IQSEC1: variants seen among roughly 807,000 people sequenced by gnomAD.
IQSEC1 encodes the protein IQ motif and Sec7 domain ArfGEF 1, also known as IQ motif and SEC7 domain-containing protein 1.
Under a neutral mutation model 91.0 loss-of-function variants are expected in IQSEC1, and 31 were observed. The ratio of observed to expected loss-of-function variants is 0.34; its 90% CI spans 0.26 to 0.46. The LOEUF (loss-of-function observed/expected upper bound fraction) is 0.46, where lower values mean the gene tolerates loss of function less well. IQSEC1 is among the 20% of genes least tolerant of loss of function. IQSEC1 has a pLI of 1.00. For synonymous variants in IQSEC1, 699 were observed against 662.6 expected (o/e 1.05, Z -0.84); for missense variants, 1,388 against 1,575.6 (o/e 0.88, Z 2.02).
rs1440229064 is a variant in IQSEC1 at position 12,909,924 on chromosome 3, G to A, written c.2417-490C>T. Among the ~76,000 whole-genome samples the A allele has an allele frequency of 2.0e-5, 3 of 152,230 alleles. No homozygotes were observed. Among genetic ancestry groups the A allele is most frequent in the Non-Finnish European group, 2.9e-5 (2 of 68,046 alleles). On this transcript the variant is annotated intron_variant, in intron 10 of 13. Coordinates refer to ENST00000613206, the MANE Select transcript of IQSEC1 (RefSeq NM_001134382.3). This position sits in a 1 kb window ranked among gnomAD's most constrained non-coding sequence, Gnocchi z 4.9. ...TTTGGTCTCCTGGCGGTGCTGCTCC[G>A]GCAGTGGGAGTCACTGGCAGAGCAT...
chr3:13,129,131 A>G (rs1291250344), intron 2 of IQSEC1, among the ~76,000 whole-genome samples: 3 of 152,190 alleles, frequency 2.0e-5, no homozygotes, highest in Non-Finnish European at 4.4e-5. Context: ...CATTGTAAAA[A>G]TTTTAACTAC....
At chr3:13,023,158 G>A (rs1703476114) in intron 1 of IQSEC1, among the ~76,000 whole-genome samples, 1 of 152,224 alleles carries the variant, frequency 6.6e-6, no homozygotes, top group South Asian at 2.1e-4. Flanking sequence ...AGCCCACGCT[G>A]GAGTCAGGGT....
chr3:13,113,294 G>C (rs894700432), intron 2 of IQSEC1, among the ~76,000 whole-genome samples: 61 of 152,342 alleles, frequency 4.0e-4, no homozygotes, highest in African/African-American at 1.5e-3. Flanking sequence ...GACCAGGGTG[G>C]GTTCAATATG....
intron 2 of IQSEC1, among the ~76,000 whole-genome samples, chr3:13,082,910 C>T (rs1705669007): frequency 6.6e-6 from 1 of 152,214 alleles, no homozygotes; most frequent in Non-Finnish European, 1.5e-5. Flanking sequence ...GCACGACTGC[C>T]ACCCTCATTG....
intron 1 of IQSEC1, among the ~76,000 whole-genome samples, chr3:13,019,283 C>T (rs1219355019): frequency 1.3e-5 from 2 of 152,230 alleles, no homozygotes; most frequent in Non-Finnish European, 1.5e-5. Context: ...TCCTTGACTG[C>T]GGTCGCCAAA....
intron 1 of IQSEC1, among the ~76,000 whole-genome samples, chr3:13,016,254 G>A (rs556609092): frequency 8.1e-4 from 123 of 152,304 alleles, no homozygotes; most frequent in African/African-American, 2.6e-3. Flanking sequence ...CCTCCTCTCC[G>A]CCAGGAGTGC....
At chr3:12,913,591 C>A (rs1217276071) in intron 8 of IQSEC1, 38 bp from the exon 9 acceptor site, 7 of 1,583,332 alleles carry the variant, frequency 4.4e-6, no homozygotes, top group Non-Finnish European at 6.0e-6. Flanking sequence ...GGCCGCCCAG[C>A]TCTCCTCTAG....
At chr3:13,256,795 G>A (rs1436239081) in intron 1 of IQSEC1, among the ~76,000 whole-genome samples, 3 of 152,126 alleles carry the variant, frequency 2.0e-5, no homozygotes, top group East Asian at 1.9e-4. Flanking sequence ...ATGGAGAGAC[G>A]CAAAGCACGA....
At chr3:13,105,253 C>T (rs911711428) in intron 2 of IQSEC1, among the ~76,000 whole-genome samples, 1 of 152,118 alleles carries the variant, frequency 6.6e-6, no homozygotes, top group Non-Finnish European at 1.5e-5. Context: ...GATCCCCTCC[C>T]CTCCAGGGGA....
intron 1 of IQSEC1, among the ~76,000 whole-genome samples, chr3:13,061,708 G>T (rs1395984770): frequency 6.6e-6 from 1 of 152,224 alleles, no homozygotes; most frequent in East Asian, 1.9e-4. Flanking sequence ...TACTGAGGCT[G>T]CCAGCTCCGT....
rs186921836 is a variant in IQSEC1, at chr3:13,147,735, C to T, written c.302+16369G>A. 3.1e-4 allele frequency among the ~76,000 whole-genome samples: 47 copies of T among 152,292 alleles called. 2 individuals carry two copies. Among genetic ancestry groups the T allele is most frequent in the Admixed American group, 8.5e-4 (13 of 15,298 alleles). On this transcript the variant is annotated intron_variant, in intron 2 of 15. Coordinates refer to the IQSEC1 transcript ENST00000648114. ...GCAACCTCCGCCTTCCAGGTTCAAG[C>T]GATCCTCCTGCCTCAGCCTCCCAAG... is the stretch of plus-strand genomic sequence containing the variant.
chr3:13,019,434 G>A (rs769479637), intron 1 of IQSEC1, among the ~76,000 whole-genome samples: 16 of 152,228 alleles, frequency 1.1e-4, no homozygotes, highest in Non-Finnish European at 1.6e-4. Flanking sequence ...AAAACTATGC[G>A]CTGTCCGATC....
chr3:13,204,577 A>T (rs756349253), intron 1 of IQSEC1, among the ~76,000 whole-genome samples: 2 of 152,142 alleles, frequency 1.3e-5, no homozygotes, highest in African/African-American at 2.4e-5. Flanking sequence ...ATGGGGACGG[A>T]GGCGCTCAGC....
chr3:13,102,010 G>A (rs567500417), intron 2 of IQSEC1, among the ~76,000 whole-genome samples: 39 of 152,140 alleles, frequency 2.6e-4, no homozygotes, highest in Non-Finnish European at 4.4e-4. Context: ...AACTCTGCCC[G>A]CTCATGCCTG....
intron 1 of IQSEC1, among the ~76,000 whole-genome samples, chr3:12,945,123 C>A (rs1389088432): frequency 5.3e-5 from 8 of 152,184 alleles, no homozygotes; most frequent in Non-Finnish European, 1.2e-4. Context: ...GCGGCAGCCA[C>A]TGAACTCAGA....
intron 2 of IQSEC1, among the ~76,000 whole-genome samples, chr3:13,092,016 G>T (rs997920553): frequency 2.0e-5 from 3 of 152,056 alleles, no homozygotes; most frequent in African/African-American, 7.2e-5. Flanking sequence ...CAGTTCTAAG[G>T]GCCTGTGCAT....
chr3:12,904,368 C>A (rs911112059), intron 12 of IQSEC1, among the ~76,000 whole-genome samples: 4 of 152,222 alleles, frequency 2.6e-5, no homozygotes, highest in Admixed American at 6.5e-5. Flanking sequence ...AAGGGCCACA[C>A]GGCACATCAG....
chr3:13,032,162 C>T (rs1038246083), intron 1 of IQSEC1, among the ~76,000 whole-genome samples: 16 of 152,218 alleles, frequency 1.1e-4, no homozygotes, highest in African/African-American at 3.9e-4. Flanking sequence ...AAGCCCCCTA[C>T]TCCTTCAAAG....
At chr3:12,971,264 TG>T (rs1399019872) in intron 1 of IQSEC1, among the ~76,000 whole-genome samples, 2 of 152,016 alleles carry the variant, frequency 1.3e-5, no homozygotes, top group Non-Finnish European at 2.9e-5. Context: ...AATCCAAACA[TG>T]GGGGAAGACA....
Sources: gnomAD v4.1 joint callset for allele counts (sites outside exome capture counted in the v4.1 genomes callset) on GRCh38, gnomAD v4.1.1 for gene constraint, Gnocchi (gnomAD v3.1) non-coding constraint, MANE v1.5 for transcripts, NCBI Gene and HGNC (gene_info 2026-07-23, HGNC 2026-07-21) for gene names.